MGAT4C: variants seen among roughly 807,000 people sequenced by gnomAD.
MGAT4C encodes alpha-1,3-mannosyl-glycoprotein 4-beta-N-acetylglucosaminyltransferase C.
In MGAT4C, 19 loss-of-function variants were observed where a neutral mutation model predicts 40.1. The ratio of observed to expected loss-of-function variants is 0.47; its 90% confidence interval spans 0.33 to 0.70. MGAT4C has a LOEUF of 0.70. MGAT4C is among the 30% of genes least tolerant of loss of function. The pLI is 0.02. For synonymous variants in MGAT4C, 181 were observed against 187.1 expected, an observed-to-expected ratio of 0.97 and a Z score of 0.27; for missense variants, 491 against 563.2, an observed-to-expected ratio of 0.87 and a Z score of 1.30.
intron 1 of MGAT4C, among the ~76,000 whole-genome samples, chr12:86,795,559 A>G (rs1968978280): frequency 6.6e-6 from 1 of 151,914 alleles, no homozygotes; most frequent in South Asian, 2.1e-4. Flanking sequence ...ACGGCATTGA[A>G]GTCAATGTAT....
At position 86,776,780 on chromosome 12, in the gene MGAT4C, G is replaced by A. The variant is rs11104081; in HGVS notation, c.-261-49539C>T. Among the ~76,000 whole-genome samples, 13 of 152,092 alleles carry A rather than the reference G, an allele frequency of 8.5e-5. No individual in the cohort carries two copies. The East Asian group carries it at 2.3e-3, about 27-fold the overall frequency. On this transcript the variant is annotated intron_variant, in intron 1 of 7. Transcript: ENST00000548651. ...CTAGTATAGTGTTTTGTACACGTTA[G>A]ATTACTTCCTTCTCACACTTTGAAT... is the stretch of plus-strand genomic sequence containing the variant.
intron 2 of MGAT4C, among the ~76,000 whole-genome samples, chr12:86,626,526 G>A (rs185499611): frequency 6.6e-6 from 1 of 152,168 alleles, no homozygotes; most frequent in East Asian, 1.9e-4. Context: ...TACTCTATAA[G>A]GCAGTACAGA....
intron 4 of MGAT4C, among the ~76,000 whole-genome samples, chr12:86,287,195 C>A (rs1290006369): frequency 6.6e-6 from 1 of 151,958 alleles, no homozygotes; most frequent in Non-Finnish European, 1.5e-5. Flanking sequence ...ATTTACATTC[C>A]CACCCTACAC....
chr12:86,133,272 G>C (rs557592799), intron 1 of MGAT4C, among the ~76,000 whole-genome samples: 1 of 152,162 alleles, frequency 6.6e-6, no homozygotes, highest in Non-Finnish European at 1.5e-5. Flanking sequence ...GGTTTAGAGC[G>C]TAGAGAGTGG....
At chr12:86,835,235 G>C (rs912133894) in intron 1 of MGAT4C, among the ~76,000 whole-genome samples, 1 of 151,828 alleles carries the variant, frequency 6.6e-6, no homozygotes, top group African/African-American at 2.4e-5. Flanking sequence ...CAGTAGTCTT[G>C]AGACCCAATA....
intron 1 of MGAT4C, among the ~76,000 whole-genome samples, chr12:86,202,823 CCATTTT>C (rs1176519873): frequency 2.6e-5 from 4 of 151,922 alleles, no homozygotes. Flanking sequence ...TCTAGTATTT[CCATTTT>C]CTTTTTATAG....
At chr12:86,267,876 A>G (rs1952827748) in intron 4 of MGAT4C, among the ~76,000 whole-genome samples, 1 of 152,190 alleles carries the variant, frequency 6.6e-6, no homozygotes, top group South Asian at 2.1e-4. Flanking sequence ...TATCAATTGC[A>G]AACAAGCAAT....
intron 2 of MGAT4C, among the ~76,000 whole-genome samples, chr12:86,682,055 A>C (rs1400386590): frequency 6.6e-6 from 1 of 152,018 alleles, no homozygotes; most frequent in Admixed American, 6.6e-5. Flanking sequence ...TGGATTGTGA[A>C]CAGATTTTTG....
At chr12:86,522,555 T>C (rs1958813734) in intron 2 of MGAT4C, among the ~76,000 whole-genome samples, 1 of 152,112 alleles carries the variant, frequency 6.6e-6, no homozygotes, top group African/African-American at 2.4e-5. Flanking sequence ...AGTCTGAAGT[T>C]TTCTTTTTTT....
intron 2 of MGAT4C, among the ~76,000 whole-genome samples, chr12:86,466,259 T>C (rs1957681745): frequency 6.6e-6 from 1 of 152,066 alleles, no homozygotes; most frequent in Admixed American, 6.6e-5. Flanking sequence ...AGCAGTTTTA[T>C]TGGTAATTGC....
At chr12:86,698,903 G>T (rs1046047212) in intron 2 of MGAT4C, among the ~76,000 whole-genome samples, 5 of 152,106 alleles carry the variant, frequency 3.3e-5, no homozygotes, top group Admixed American at 6.6e-5. Context: ...AGGGGAGAAA[G>T]TATGTCCTTG....
At chr12:86,683,287 C>T (rs1950015382) in intron 2 of MGAT4C, among the ~76,000 whole-genome samples, 1 of 152,086 alleles carries the variant, frequency 6.6e-6, no homozygotes, top group African/African-American at 2.4e-5. Flanking sequence ...TATCTATCTA[C>T]CTACCTATCT....
At chr12:86,098,949 C>T (rs1006157910) in intron 1 of MGAT4C, among the ~76,000 whole-genome samples, 1 of 151,466 alleles carries the variant, frequency 6.6e-6, no homozygotes, top group African/African-American at 2.4e-5. Flanking sequence ...CATTCAATTA[C>T]AGATAACCTT....
At chr12:86,646,920 A>C (rs557677194) in intron 2 of MGAT4C, among the ~76,000 whole-genome samples, 5 of 152,106 alleles carry the variant, frequency 3.3e-5, no homozygotes, top group African/African-American at 9.6e-5. Flanking sequence ...TTTAGTTTGT[A>C]CCGTGCAAAT....
At chr12:86,208,090 C>T (rs1213369022) in intron 1 of MGAT4C, among the ~76,000 whole-genome samples, 1 of 152,126 alleles carries the variant, frequency 6.6e-6, no homozygotes, top group Non-Finnish European at 1.5e-5. Flanking sequence ...CTCTGACCTC[C>T]CTGTCATCCC....
At chr12:86,779,317 G>A (rs1951794592) in intron 1 of MGAT4C, among the ~76,000 whole-genome samples, 1 of 152,112 alleles carries the variant, frequency 6.6e-6, no homozygotes, top group African/African-American at 2.4e-5. Context: ...CATCAAGGAA[G>A]GGCATAGTGG....
chr12:86,469,656 C>T (rs1250846423), intron 2 of MGAT4C, among the ~76,000 whole-genome samples: 2 of 151,984 alleles, frequency 1.3e-5, no homozygotes, highest in Admixed American at 6.6e-5. Flanking sequence ...TGGCAATTAA[C>T]TTTTGCACCA....
rs532139849 is a variant in MGAT4C at position 86,361,813 on chromosome 12, G to A, written c.-119-27686C>T. Among the ~76,000 whole-genome samples the A allele has an allele frequency of 4.3e-4, 65 of 152,232 alleles. No individual in the cohort carries two copies. In the Middle Eastern group the frequency reaches 0.01, roughly 24 times the overall value. On this transcript the variant is annotated intron_variant, in intron 3 of 7. Transcript: ENST00000548651. ...ACCATCTCACACCAGTTAGAATGGC[G>A]ATCATTAAAAAGTCAGGAAACAACA...
At chr12:86,040,181 A>G (rs1891661709) in intron 2 of MGAT4C, among the ~76,000 whole-genome samples, 1 of 152,224 alleles carries the variant, frequency 6.6e-6, no homozygotes, top group African/African-American at 2.4e-5. Context: ...CCTACTGGGA[A>G]GAGTCTCCCA....
Sources: gnomAD v4.1 joint callset for allele counts (sites outside exome capture counted in the v4.1 genomes callset) on GRCh38, gnomAD v4.1.1 for gene constraint, MANE v1.5 for transcripts, NCBI Gene and HGNC (gene_info 2026-07-23, HGNC 2026-07-21) for gene names.